PRKCB: variants seen among roughly 807,000 people sequenced by gnomAD.
PRKCB encodes the protein protein kinase C beta type.
Under a neutral mutation model 81.5 loss-of-function variants are expected in PRKCB, and 13 were observed. That is an observed-to-expected ratio of 0.16 (90% confidence interval 0.10 to 0.25). The LOEUF (loss-of-function observed/expected upper bound fraction) is 0.25, where lower values mean the gene tolerates loss of function less well. PRKCB is among the 10% of genes least tolerant of loss of function. The probability of loss-of-function intolerance (pLI) is 1.00; values close to 1 mark genes in which losing one functional copy is unlikely to be tolerated. For missense variants in PRKCB, 509 were observed against 875.7 expected (o/e 0.58, Z 5.29); for synonymous variants, 335 against 321.4 (o/e 1.04, Z -0.45).
intron 6 of PRKCB, among the ~76,000 whole-genome samples, chr16:24,093,801 C>T (rs1489881799): frequency 6.6e-6 from 1 of 152,236 alleles, no homozygotes; most frequent in East Asian, 1.9e-4. Flanking sequence ...TCATTCTCAA[C>T]CCACCTGTGT....
chr16:23,848,087 T>C (rs1375362846), intron 2 of PRKCB, among the ~76,000 whole-genome samples: 2 of 151,756 alleles, frequency 1.3e-5, no homozygotes, highest in African/African-American at 4.8e-5. Context: ...GGAGAGAGAA[T>C]AGGGCACATG....
At chr16:24,068,563 T>G (rs1966069728) in intron 5 of PRKCB, among the ~76,000 whole-genome samples, 1 of 152,152 alleles carries the variant, frequency 6.6e-6, no homozygotes, top group African/African-American at 2.4e-5. Flanking sequence ...AAAATATTTT[T>G]TATCTGGCTT....
At chr16:24,118,887 G>A (rs1412039292) in intron 8 of PRKCB, among the ~76,000 whole-genome samples, 1 of 152,122 alleles carries the variant, frequency 6.6e-6, no homozygotes, top group African/African-American at 2.4e-5. Flanking sequence ...ACAAAGGACA[G>A]GGCTCCTGTC....
At chr16:24,080,769 TAAG>T (rs1452976715) in intron 5 of PRKCB, among the ~76,000 whole-genome samples, 1 of 152,034 alleles carries the variant, frequency 6.6e-6, no homozygotes, top group African/African-American at 2.4e-5. Context: ...TCAAGGGAAA[TAAG>T]AAAATATTTT....
chr16:24,212,952 G>A lies in PRKCB; in HGVS notation c.1864-1706G>A, dbSNP rs556929934. On this transcript the variant is annotated intron_variant, in intron 16 of 16. Transcript: ENST00000643927. ...TCATCCCCATCCTTGTCTTCCCGCT[G>A]GCCCCTTCCCCACTTCATTAGTTAG... 1.3e-4 allele frequency among the ~76,000 whole-genome samples: 19 copies of A among 151,978 alleles called. No individual in the cohort carries two copies. The East Asian group carries it at 2.3e-3, about 19-fold the overall frequency.
chr16:23,955,508 C>T (rs1418484567), intron 2 of PRKCB, among the ~76,000 whole-genome samples: 1 of 152,146 alleles, frequency 6.6e-6, no homozygotes, highest in African/African-American at 2.4e-5. Flanking sequence ...TCATCCCCAG[C>T]TGAGTGTTCT....
chr16:23,995,775 C>G (rs73540962), intron 3 of PRKCB, among the ~76,000 whole-genome samples: 1,548 of 152,370 alleles, frequency 0.01, 28 homozygotes, highest in African/African-American at 0.035. Flanking sequence ...CCTGCCTTCT[C>G]TCTCCCAACT....
In PRKCB at chr16:24,220,269, G is replaced by A. The variant is rs1968302784; in HGVS notation, c.*5453G>A. On this transcript the variant is annotated 3_prime_UTR_variant, in exon 17 of 17. Coordinates refer to ENST00000643927, the MANE Select transcript of PRKCB (RefSeq NM_002738.7). ...TTTTCTTTGTATGTGTAGCTTGCTA[G>A]TTTGTTTTCTACATTTGAAAATGTT... 2 of 850,186 alleles carry A rather than the reference G, an allele frequency of 2.4e-6. No individual in the cohort carries two copies. Among genetic ancestry groups the A allele is most frequent in the South Asian group, 2.0e-5 (1 of 49,450 alleles). 52.7% of individuals were successfully genotyped at this position (850,186 alleles called of 1,614,324 possible).
chr16:24,106,675 T>C (rs1038318974), intron 7 of PRKCB, among the ~76,000 whole-genome samples: 6 of 152,342 alleles, frequency 3.9e-5, no homozygotes, highest in Admixed American at 2.0e-4. Context: ...TACAGTCTTA[T>C]CAATCTTGTA....
intron 5 of PRKCB, among the ~76,000 whole-genome samples, chr16:24,058,015 T>G (rs2141875075): frequency 6.6e-6 from 1 of 152,268 alleles, no homozygotes; most frequent in Middle Eastern, 3.4e-3. Context: ...AGATTCTGCT[T>G]CCTTCAGCCT....
chr16:23,847,512 C>G (rs1962399014), intron 2 of PRKCB, among the ~76,000 whole-genome samples: 1 of 148,122 alleles, frequency 6.8e-6, no homozygotes, highest in Admixed American at 6.7e-5. Context: ...ATCCAAACAT[C>G]CACCCATCCA....
intron 2 of PRKCB, among the ~76,000 whole-genome samples, chr16:23,904,201 T>A (rs1963524042): frequency 6.6e-6 from 1 of 152,054 alleles, no homozygotes; most frequent in South Asian, 2.1e-4. Context: ...GGCTCTAGGG[T>A]CAGATTACTT....
chr16:23,943,453 C>T (rs1179423414), intron 2 of PRKCB, among the ~76,000 whole-genome samples: 2 of 152,090 alleles, frequency 1.3e-5, no homozygotes, highest in Non-Finnish European at 2.9e-5. Flanking sequence ...CACTGGAGCC[C>T]AGGAGGTGGA....
intron 3 of PRKCB, among the ~76,000 whole-genome samples, chr16:23,989,075 C>T (rs1247223252): frequency 6.6e-6 from 1 of 152,150 alleles, no homozygotes; most frequent in African/African-American, 2.4e-5. Flanking sequence ...ATTCTCCTGC[C>T]TCAGCCTCCC....
intron 11 of PRKCB, among the ~76,000 whole-genome samples, chr16:24,174,026 G>T (rs1217769209): frequency 1.3e-5 from 2 of 151,808 alleles, no homozygotes; most frequent in Non-Finnish European, 2.9e-5. Context: ...TGGGGGGGTG[G>T]GGGACAGGGT....
intron 7 of PRKCB, among the ~76,000 whole-genome samples, chr16:24,102,544 C>T (rs568722860): frequency 5.3e-4 from 81 of 152,330 alleles, no homozygotes; most frequent in Non-Finnish European, 6.8e-4. Context: ...GTGGCAGAAA[C>T]AGCAGATGCA....
chr16:23,916,521 C>G (rs374794793), intron 2 of PRKCB, among the ~76,000 whole-genome samples: 36 of 152,232 alleles, frequency 2.4e-4, no homozygotes, highest in African/African-American at 8.2e-4. Flanking sequence ...TGAAAGATTT[C>G]TCTCCTATCC....
At chr16:24,052,235 G>C (rs1489058918) in intron 5 of PRKCB, among the ~76,000 whole-genome samples, 2 of 152,202 alleles carry the variant, frequency 1.3e-5, no homozygotes, top group Non-Finnish European at 2.9e-5. Context: ...ATCATCTAGA[G>C]AGTGCCCCAC....
At chr16:23,988,276 C>A (rs750148920) in intron 2 of PRKCB, among the ~76,000 whole-genome samples, 1 of 152,200 alleles carries the variant, frequency 6.6e-6, no homozygotes, top group East Asian at 1.9e-4. Context: ...ATCTTTCTAA[C>A]CCTAGCTAAC....
Sources: allele counts gnomAD v4.1 joint callset (sites outside exome capture counted in the v4.1 genomes callset), GRCh38; gene constraint gnomAD v4.1.1; transcripts MANE v1.5; gene names NCBI Gene and HGNC (gene_info 2026-07-23, HGNC 2026-07-21).